The following LINGO2 variants were observed in gnomAD, a reference collection of about 807,000 sequenced individuals.
LINGO2 encodes the protein leucine-rich repeat and immunoglobulin-like domain-containing nogo receptor-interacting protein 2.
A neutral mutation model predicts 30.6 loss-of-function variants in LINGO2; 14 were observed. The observed-to-expected ratio is 0.46, with a 90% CI of 0.30 to 0.72. LINGO2 has a LOEUF of 0.72. Among genes scored for constraint, LINGO2 ranks in the 30% least tolerant of loss-of-function variants. The pLI is 0.07. For missense variants in LINGO2, 729 were observed against 751.7 expected, an observed-to-expected ratio of 0.97 and a Z score of 0.35; for synonymous variants, 317 against 288.5, an observed-to-expected ratio of 1.10 and a Z score of -1.00.
rs1271037127 is a variant in LINGO2, at chr9:28,329,385, T to C, written c.-245-34019A>G. ...CCTGTTACTAAACCCCTTCTCTCCA[T>C]ATGGCTTAACTTGAGGGCTTGGGCT... is the stretch of plus-strand genomic sequence containing the variant. On this transcript the variant is annotated intron_variant, in intron 3 of 5. Coordinates refer to ENST00000379992, the Ensembl canonical transcript of LINGO2. This position sits in a 1 kb window ranked among gnomAD's most constrained non-coding sequence, Gnocchi z 4.5. Among the ~76,000 whole-genome samples, 1 of 152,110 alleles carries C rather than the reference T, an allele frequency of 6.6e-6. No individual in the cohort carries two copies. The highest frequency in any genetic ancestry group is 1.5e-5 in the Non-Finnish European group (1 of 68,016).
At chr9:28,766,441 T>A in the LINGO2 span, among the ~76,000 whole-genome samples, 2 of 119,762 alleles carry the variant, frequency 1.7e-5, no homozygotes, top group African/African-American at 5.3e-5. Context: ...AAAGATAAGA[T>A]GTGAAGAAAA....
At chr9:28,672,634 T>G (rs948199886), upstream of LINGO2, among the ~76,000 whole-genome samples, 1 of 152,220 alleles carries the variant, frequency 6.6e-6, no homozygotes, top group East Asian at 1.9e-4. Flanking sequence ...ATTAAAGTGC[T>G]TTCTGAATGT....
chr9:28,288,176 G>C (rs1639724685), intron 4 of LINGO2, among the ~76,000 whole-genome samples: 1 of 152,062 alleles, frequency 6.6e-6, no homozygotes, highest in Non-Finnish European at 1.5e-5. Context: ...CACCATAGCT[G>C]TGTATGTAAA....
At chr9:28,031,534 G>A (rs549792623) in intron 4 of LINGO2, among the ~76,000 whole-genome samples, 3 of 152,248 alleles carry the variant, frequency 2.0e-5, no homozygotes, top group African/African-American at 7.2e-5. Context: ...GCTTTAGTAG[G>A]AATCTAGGAT....
At chr9:28,878,926 A>C in the LINGO2 span, among the ~76,000 whole-genome samples, 134 of 152,324 alleles carry the variant, frequency 8.8e-4, no homozygotes, top group South Asian at 1.9e-3. Context: ...GAAAACTGGC[A>C]CAAGACAGGG....
intron 1 of LINGO2, among the ~76,000 whole-genome samples, chr9:28,502,231 T>A (rs1233940988): frequency 6.6e-6 from 1 of 152,024 alleles, no homozygotes; most frequent in Non-Finnish European, 1.5e-5. Flanking sequence ...TAGATTTTCA[T>A]GACACCACCC....
chr9:28,667,733 G>A (rs1343194426), intron 1 of LINGO2, among the ~76,000 whole-genome samples: 1 of 152,110 alleles, frequency 6.6e-6, no homozygotes, highest in East Asian at 1.9e-4. Flanking sequence ...AACAGAGTGA[G>A]CCTCTGTCAA....
chr9:28,630,756 T>A (rs779480077), intron 1 of LINGO2, among the ~76,000 whole-genome samples: 9 of 152,098 alleles, frequency 5.9e-5, no homozygotes, highest in Non-Finnish European at 1.3e-4. Flanking sequence ...CAACCTTACA[T>A]AATATTTATA....
the LINGO2 span, among the ~76,000 whole-genome samples, chr9:29,172,993 T>G: frequency 2.6e-5 from 4 of 152,048 alleles, no homozygotes; most frequent in African/African-American, 7.2e-5. Flanking sequence ...TAGTATAATG[T>G]TATTCTATTA....
At chr9:28,492,716 A>G (rs1826446785) in intron 1 of LINGO2, among the ~76,000 whole-genome samples, 1 of 152,180 alleles carries the variant, frequency 6.6e-6, no homozygotes, top group South Asian at 2.1e-4. Context: ...AATTCCAACC[A>G]GCATCTAGAG....
chr9:28,172,899 A>T (rs1564017601), intron 4 of LINGO2, among the ~76,000 whole-genome samples: 1 of 152,178 alleles, frequency 6.6e-6, no homozygotes, highest in Non-Finnish European at 1.5e-5. Flanking sequence ...CACAACTCTT[A>T]TCTTTTCATC....
chr9:28,076,295 A>T (rs1477307187), intron 4 of LINGO2, among the ~76,000 whole-genome samples: 1 of 152,118 alleles, frequency 6.6e-6, no homozygotes, highest in Non-Finnish European at 1.5e-5. Context: ...TTGGTATTTA[A>T]ATACACTAGC....
At chr9:29,187,754 C>A in the LINGO2 span, among the ~76,000 whole-genome samples, 1 of 144,836 alleles carries the variant, frequency 6.9e-6, no homozygotes, top group Non-Finnish European at 1.5e-5. Flanking sequence ...GTAATGTCAT[C>A]TGAAAATGGG....
At chr9:28,762,861 CT>C in the LINGO2 span, among the ~76,000 whole-genome samples, 1 of 151,716 alleles carries the variant, frequency 6.6e-6, no homozygotes, top group Non-Finnish European at 1.5e-5. Flanking sequence ...CTGGACTTGA[CT>C]ACAGGAAGGA....
At chr9:28,351,562 A>T (rs1819894098) in intron 3 of LINGO2, among the ~76,000 whole-genome samples, 1 of 143,456 alleles carries the variant, frequency 7.0e-6, no homozygotes, top group Non-Finnish European at 1.5e-5. Flanking sequence ...GCCGAATTCT[A>T]CCAGAGGTAC....
chr9:27,970,273 T>C (rs1232568174), intron 5 of LINGO2, among the ~76,000 whole-genome samples: 1 of 152,184 alleles, frequency 6.6e-6, no homozygotes, highest in African/African-American at 2.4e-5. Flanking sequence ...CTGGGACATG[T>C]AGACCCTCCC....
At chr9:28,431,257 G>A (rs1823665883) in intron 2 of LINGO2, among the ~76,000 whole-genome samples, 1 of 152,134 alleles carries the variant, frequency 6.6e-6, no homozygotes, top group African/African-American at 2.4e-5. Context: ...CTAAGAGACT[G>A]TCTACCACAT....
chr9:28,043,775 A>AT (rs1297641235), intron 4 of LINGO2, among the ~76,000 whole-genome samples: 2 of 152,142 alleles, frequency 1.3e-5, no homozygotes, highest in Non-Finnish European at 2.9e-5. Context: ...GGCATGACTA[A>AT]TTTCATCTAC....
the LINGO2 span, among the ~76,000 whole-genome samples, chr9:29,067,892 T>C: frequency 6.6e-6 from 1 of 151,702 alleles, no homozygotes; most frequent in East Asian, 1.9e-4. Context: ...AGCTGAATTT[T>C]CTCAAATTTG....
Sources: allele counts gnomAD v4.1 joint callset (sites outside exome capture counted in the v4.1 genomes callset), GRCh38; gene constraint gnomAD v4.1.1; non-coding constraint Gnocchi (gnomAD v3.1); transcripts MANE v1.5; gene names NCBI Gene and HGNC (gene_info 2026-07-23, HGNC 2026-07-21).